RALGAPA2: variants seen among roughly 807,000 people sequenced by gnomAD.
RALGAPA2 encodes the protein ral GTPase-activating protein subunit alpha-2.
RALGAPA2 carries 139 observed loss-of-function variants against 230.4 expected under a neutral mutation model. The ratio of observed to expected loss-of-function variants is 0.60; its 90% CI spans 0.53 to 0.69. The LOEUF (loss-of-function observed/expected upper bound fraction) is 0.69, where lower values mean the gene tolerates loss of function less well. Ranked by LOEUF, RALGAPA2 falls within the 30% of genes least tolerant of loss-of-function variation. RALGAPA2 has a pLI of 0.00. For synonymous variants in RALGAPA2, 847 were observed against 837.8 expected, an observed-to-expected ratio of 1.01 and a Z score of -0.19; for missense variants, 2,163 against 2,276.0, an observed-to-expected ratio of 0.95 and a Z score of 1.01.
At chr20:20,418,048 G>GT (rs1228218481) in intron 37 of RALGAPA2, among the ~76,000 whole-genome samples, 2 of 152,156 alleles carry the variant, frequency 1.3e-5, no homozygotes, top group East Asian at 3.8e-4. Flanking sequence ...CACATTCAAA[G>GT]TAAGAGCTCC....
chr20:20,688,789 A>G (rs2068794091), intron 1 of RALGAPA2, among the ~76,000 whole-genome samples: 1 of 152,238 alleles, frequency 6.6e-6, no homozygotes, highest in African/African-American at 2.4e-5. Context: ...TAATCCTTTC[A>G]AGCATTCCTG....
chr20:20,429,807 G>C (rs1225703647), intron 37 of RALGAPA2, among the ~76,000 whole-genome samples: 4 of 152,196 alleles, frequency 2.6e-5, no homozygotes, highest in Non-Finnish European at 5.9e-5. Flanking sequence ...GAACAGGAAT[G>C]AACTGTCATT....
intron 10 of RALGAPA2, among the ~76,000 whole-genome samples, chr20:20,621,206 T>C (rs898437550): frequency 3.3e-5 from 5 of 151,312 alleles, no homozygotes; most frequent in African/African-American, 1.2e-4. Context: ...TCTATAAAAA[T>C]AACCAAATCA....
intron 9 of RALGAPA2, among the ~76,000 whole-genome samples, chr20:20,632,181 T>G (rs142837495): frequency 0.018 from 2,692 of 152,096 alleles, 82 homozygotes; most frequent in African/African-American, 0.061. Flanking sequence ...CCCGCCACCA[T>G]GCCCAGCTAA....
intron 37 of RALGAPA2, among the ~76,000 whole-genome samples, chr20:20,413,298 T>A (rs2060100011): frequency 6.6e-6 from 1 of 152,242 alleles, no homozygotes; most frequent in African/African-American, 2.4e-5. Flanking sequence ...GTCCTTTCAA[T>A]CAGCCTTCAA....
chr20:20,465,975 G>A (rs988690458), intron 37 of RALGAPA2, among the ~76,000 whole-genome samples: 2 of 152,198 alleles, frequency 1.3e-5, no homozygotes, highest in African/African-American at 4.8e-5. Flanking sequence ...TACAACAATT[G>A]CAGGTAACGT....
intron 16 of RALGAPA2, among the ~76,000 whole-genome samples, chr20:20,596,155 T>G (rs576504994): frequency 6.6e-6 from 1 of 152,140 alleles, no homozygotes; most frequent in Non-Finnish European, 1.5e-5. Context: ...CACTTCTTCC[T>G]CCCAGAATAT....
rs11478509 is a variant in RALGAPA2 at position 20,670,641 on chromosome 20, TAA to T, written c.270+5593_270+5594del. Among the ~76,000 whole-genome samples, 363 of 129,706 alleles carry T rather than the reference TAA, an allele frequency of 2.8e-3. 3 individuals carry two copies. Among genetic ancestry groups the T allele is most frequent in the East Asian group, 1.9e-3 (9 of 4,640 alleles). 85.1% of individuals were successfully genotyped at this position (129,706 alleles called of 152,430 possible). ...AGTACAGTAAGAGTCATAACCATAG[TAA>T]AAAAAAAAAAAAAAGTATGATAGGC... is the stretch of plus-strand genomic sequence containing the variant. On this transcript the variant is annotated intron_variant, in intron 3 of 39. Transcript: ENST00000202677.
chr20:20,415,536 C>T (rs1389417873), intron 37 of RALGAPA2, among the ~76,000 whole-genome samples: 2 of 152,164 alleles, frequency 1.3e-5, no homozygotes, highest in Admixed American at 1.3e-4. Flanking sequence ...CCCATCTTGG[C>T]TTCTGGACAT....
rs1223328906 is a variant in RALGAPA2, at chr20:20,445,961, T to C, written c.5495+26868A>G. Reference sequence around the variant, plus strand: ...CATTTGCTTTGGAAAAAACATTTTTTTTTTTAATGACTGAATTTACAAACA... The same window carrying C: ...CATTTGCTTTGGAAAAAACATTTTTCTTTTTAATGACTGAATTTACAAACA... On this transcript the variant is annotated intron_variant, in intron 37 of 39. Coordinates refer to ENST00000202677, the MANE Select transcript of RALGAPA2 (RefSeq NM_020343.4). Among the ~76,000 whole-genome samples the C allele has an allele frequency of 2.6e-5, 4 of 152,234 alleles. No homozygotes were observed. In the East Asian group the frequency reaches 7.7e-4, roughly 29 times the overall value.
At chr20:20,615,134 T>C (rs970813314) in intron 13 of RALGAPA2, among the ~76,000 whole-genome samples, 15 of 151,224 alleles carry the variant, frequency 9.9e-5, no homozygotes, top group Non-Finnish European at 1.3e-4. Context: ...TCAGTGAAAA[T>C]ACCTCATCAG....
At chr20:20,580,741 A>T (rs1056347759) in intron 20 of RALGAPA2, among the ~76,000 whole-genome samples, 1 of 152,212 alleles carries the variant, frequency 6.6e-6, no homozygotes, top group Admixed American at 6.5e-5. Flanking sequence ...GACAATGCAC[A>T]GTAAATTTAG....
intron 4 of RALGAPA2, among the ~76,000 whole-genome samples, chr20:20,651,377 A>T (rs1482753620): frequency 6.6e-6 from 1 of 152,218 alleles, no homozygotes; most frequent in African/African-American, 2.4e-5. Flanking sequence ...TTTACATGCA[A>T]ATGCTCATAT....
intron 1 of RALGAPA2, among the ~76,000 whole-genome samples, chr20:20,682,444 G>A (rs1465892100): frequency 7.9e-5 from 12 of 152,068 alleles, no homozygotes; most frequent in Non-Finnish European, 5.9e-5. Flanking sequence ...CACTAACTGA[G>A]CCCTCTTTCT....
intron 37 of RALGAPA2, among the ~76,000 whole-genome samples, chr20:20,423,652 C>T (rs780424749): frequency 6.6e-6 from 1 of 152,198 alleles, no homozygotes; most frequent in Non-Finnish European, 1.5e-5. Flanking sequence ...TAAAGCCATA[C>T]ATCATTTTCA....
intron 6 of RALGAPA2, 90 bp downstream of exon 6, chr20:20,640,611 G>T: frequency 1.6e-6 from 2 of 1,287,298 alleles, no homozygotes; most frequent in Non-Finnish European, 2.2e-6. Flanking sequence ...ACTCCATCAG[G>T]ATTTCTATTC....
At chr20:20,600,538 G>T (rs185625470) in intron 16 of RALGAPA2, among the ~76,000 whole-genome samples, 1 of 152,076 alleles carries the variant, frequency 6.6e-6, no homozygotes, top group Non-Finnish European at 1.5e-5. Flanking sequence ...CAGTTAAGGT[G>T]GAATATATTT....
chr20:20,473,084 C>T, intron 36 of RALGAPA2, 128 bp from the exon 37 acceptor site: 1 of 986,114 alleles, frequency 1.0e-6, no homozygotes, highest in Non-Finnish European at 1.5e-6. Flanking sequence ...CAGACGCTGA[C>T]CTTAACAGGA....
chr20:20,641,059 C>G (rs2146509936), intron 5 of RALGAPA2, among the ~76,000 whole-genome samples, 181 bp from the exon 6 acceptor site: 1 of 152,256 alleles, frequency 6.6e-6, no homozygotes, highest in South Asian at 2.1e-4. Context: ...AGTTAAGAGC[C>G]TGGGTTCTGG....
Sources: gnomAD v4.1 joint callset for allele counts (sites outside exome capture counted in the v4.1 genomes callset) on GRCh38, gnomAD v4.1.1 for gene constraint, MANE v1.5 for transcripts, NCBI Gene and HGNC (gene_info 2026-07-23, HGNC 2026-07-21) for gene names.